Variants in CYFIP1 observed in about 807,000 individuals in gnomAD.
The protein encoded by CYFIP1 is cytoplasmic FMR1-interacting protein 1.
Under a neutral mutation model 163.5 loss-of-function variants are expected in CYFIP1, and 58 were observed. The ratio of observed to expected loss-of-function variants is 0.35; its 90% CI spans 0.29 to 0.44. CYFIP1 has a LOEUF of 0.44. Among genes scored for constraint, CYFIP1 ranks in the 20% least tolerant of loss-of-function variants. CYFIP1 has a pLI of 1.00. For missense variants in CYFIP1, 1,338 were observed against 1,653.8 expected, an observed-to-expected ratio of 0.81 and a Z score of 3.31; for synonymous variants, 663 against 660.7, an observed-to-expected ratio of 1.00 and a Z score of -0.05.
chr15:22,933,353 C>T (rs1258997857), intron 10 of CYFIP1, among the ~76,000 whole-genome samples: 3 of 150,072 alleles, frequency 2.0e-5, no homozygotes, highest in African/African-American at 4.9e-5. Context: ...CTTGCTCTGT[C>T]GCCCAGGTTG....
chr15:22,942,890 T>G (rs2061937213), intron 6 of CYFIP1, among the ~76,000 whole-genome samples: 1 of 152,200 alleles, frequency 6.6e-6, no homozygotes, highest in Non-Finnish European at 1.5e-5. Context: ...CTTGTGCATG[T>G]CTGTCTTCCC....
At chr15:22,870,294 G>T in intron 30 of CYFIP1, 102 bp from the exon 31 acceptor site, 1 of 1,402,076 alleles carries the variant, frequency 7.1e-7, no homozygotes, top group South Asian at 1.3e-5. Flanking sequence ...AAAAATAATA[G>T]CAAACGGAAT....
intron 22 of CYFIP1, among the ~76,000 whole-genome samples, chr15:22,900,444 G>A (rs539752954): frequency 6.6e-6 from 1 of 151,046 alleles, no homozygotes; most frequent in African/African-American, 2.4e-5. Flanking sequence ...TGTCGCCCAG[G>A]GTGGAGTGCA....
chr15:22,977,201 A>G (rs1046690651), intron 1 of CYFIP1, among the ~76,000 whole-genome samples: 1 of 148,566 alleles, frequency 6.7e-6, no homozygotes, highest in African/African-American at 2.5e-5. Context: ...CTCTGTCTCA[A>G]AAAAAAAAAA....
At position 22,937,184 on chromosome 15, in the gene CYFIP1, T is replaced by C. The variant is rs776660226; in HGVS notation, c.820A>G (p.Met274Val). The change falls in exon 9 of 31, where the codon ATG becomes GTG. Residue 274 changes from methionine to valine, a missense_variant. Met to Val is a conservative substitution (Grantham distance 21, BLOSUM62 1). Around this residue, in one of 4 missense-constraint regions of CYFIP1, gnomAD observed 824 missense variants for 995.7 expected, o/e 0.83. Transcript: ENST00000617928. The part of the protein sequence containing the change: ...LKVMGFGLYL[M>V]DGSVSNIYKL... ...TAGATGTTACTGACACTCCCATCCA[T>C]CAGGTACAGACCAAATCCCATGACC... is the stretch of plus-strand genomic sequence containing the variant. 6.2e-7 allele frequency: 1 copy of C among 1,612,846 alleles called. No individual in the cohort carries two copies. The highest frequency in any genetic ancestry group is 1.3e-5 in the African/African-American group (1 of 75,016).
At chr15:22,901,427 C>T (rs2060388951) in intron 22 of CYFIP1, among the ~76,000 whole-genome samples, 2 of 152,318 alleles carry the variant, frequency 1.3e-5, no homozygotes, top group South Asian at 2.1e-4. Context: ...CACCACCTCA[C>T]CCCAGGGACA....
chr15:22,897,731 G>A (rs1176090524), intron 22 of CYFIP1, among the ~76,000 whole-genome samples: 1 of 152,134 alleles, frequency 6.6e-6, no homozygotes, highest in Non-Finnish European at 1.5e-5. Context: ...TGATTTGCCT[G>A]TCTTGGCCTC....
intron 17 of CYFIP1, among the ~76,000 whole-genome samples, chr15:22,912,970 A>G (rs2060835203): frequency 6.6e-6 from 1 of 152,136 alleles, no homozygotes; most frequent in African/African-American, 2.4e-5. Context: ...ATGAGGCAGG[A>G]AGATAACATG....
intron 6 of CYFIP1, among the ~76,000 whole-genome samples, chr15:22,940,757 A>G (rs2061870615): frequency 6.6e-6 from 1 of 152,226 alleles, no homozygotes; most frequent in South Asian, 2.1e-4. Context: ...ACATGTTTCC[A>G]GGGCGGGGCA....
intron 26 of CYFIP1, chr15:22,875,578 G>A (rs2059558671): frequency 3.7e-6 from 1 of 266,722 alleles, no homozygotes; most frequent in Admixed American, 4.7e-5. Flanking sequence ...TGTTGAATGT[G>A]TGCTCTGTTT....
intron 1 of CYFIP1, among the ~76,000 whole-genome samples, chr15:22,954,513 T>C (rs1244861210): frequency 1.3e-5 from 2 of 152,216 alleles, no homozygotes; most frequent in Admixed American, 6.5e-5. Flanking sequence ...CAGCCAGACC[T>C]GCATGAGCTC....
At chr15:22,916,859 A>G in intron 15 of CYFIP1, 1 of 1,552,328 alleles carries the variant, frequency 6.4e-7, no homozygotes. Flanking sequence ...CATAAACGTC[A>G]AGAGAAACAA....
chr15:22,945,058 G>T, intron 3 of CYFIP1, 119 bp from the exon 4 acceptor site: 2 of 955,460 alleles, frequency 2.1e-6, no homozygotes, highest in Non-Finnish European at 3.3e-6. Flanking sequence ...TGGCCTGTGT[G>T]CCAAGAGACG....
chr15:22,934,477 A>G (rs113240870), intron 9 of CYFIP1, among the ~76,000 whole-genome samples: 56,280 of 108,974 alleles, frequency 0.52, 13,397 homozygotes, highest in Middle Eastern at 0.71. Context: ...GAACCACCGC[A>G]CCCAGCCCTT....
intron 20 of CYFIP1, among the ~76,000 whole-genome samples, chr15:22,909,637 GAGT>G (rs751093931): frequency 8.5e-5 from 13 of 152,172 alleles, no homozygotes; most frequent in Admixed American, 6.5e-5. Flanking sequence ...CGTGTATAGA[GAGT>G]AGAATTAAAT....
At chr15:22,908,512 A>G (rs1282699831) in intron 21 of CYFIP1, among the ~76,000 whole-genome samples, 4 of 130,688 alleles carry the variant, frequency 3.1e-5, no homozygotes, top group East Asian at 4.6e-4. Flanking sequence ...CCTAAAGAAG[A>G]TATTTCTTTT....
At chr15:22,949,985 A>G (rs1427191918) in intron 1 of CYFIP1, among the ~76,000 whole-genome samples, 1 of 152,194 alleles carries the variant, frequency 6.6e-6, no homozygotes, top group Non-Finnish European at 1.5e-5. Flanking sequence ...AAAAATTAAC[A>G]TACTTTTTAA....
At chr15:22,883,411 G>A (rs1202898186) in intron 23 of CYFIP1, among the ~76,000 whole-genome samples, 2 of 152,336 alleles carry the variant, frequency 1.3e-5, no homozygotes, top group South Asian at 2.1e-4. Context: ...CCCCGGAGCC[G>A]GGAGAGAGAC....
At chr15:22,933,988 G>A (rs2061621141) in intron 9 of CYFIP1, 95 bp from the exon 10 acceptor site, 5 of 792,636 alleles carry the variant, frequency 6.3e-6, no homozygotes, top group Middle Eastern at 2.8e-4. Context: ...TAATTACTTC[G>A]GCTTGAATGC....
Sources: gnomAD v4.1 joint callset for allele counts (sites outside exome capture counted in the v4.1 genomes callset) on GRCh38, gnomAD v4.1.1 for gene constraint, gnomAD v4.1.1 regional missense constraint, MANE v1.5 for transcripts, NCBI Gene and HGNC (gene_info 2026-07-23, HGNC 2026-07-21) for gene names.